PALM2AKAP2: variants seen among roughly 807,000 people sequenced by gnomAD.
PALM2AKAP2 encodes the protein PALM2 and AKAP2 fusion.
In PALM2AKAP2, 37 loss-of-function variants were observed where a neutral mutation model predicts 71.5. That is an observed-to-expected ratio of 0.52 (90% CI 0.40 to 0.68). The LOEUF is 0.68. Ranked by LOEUF, PALM2AKAP2 falls within the 30% of genes least tolerant of loss-of-function variation. The pLI, the probability that PALM2AKAP2 is intolerant of heterozygous loss-of-function variation, is 0.00. For synonymous variants in PALM2AKAP2, 468 were observed against 478.8 expected (o/e 0.98, Z 0.29); for missense variants, 1,224 against 1,191.8 (o/e 1.03, Z -0.40).
At chr9:109,674,495 C>T (rs908023376) in intron 1 of PALM2AKAP2, among the ~76,000 whole-genome samples, 2 of 152,026 alleles carry the variant, frequency 1.3e-5, no homozygotes, top group South Asian at 4.1e-4. Context: ...TTACTGGTGG[C>T]CTCCCTTAAC....
At chr9:109,640,814 C>A in exon 1 of PALM2AKAP2, 1 of 1,507,468 alleles carries the variant, frequency 6.6e-7, no homozygotes, top group Non-Finnish European at 8.8e-7. Context: ...GAGAGGCGAG[C>A]AGCGCCGGTG....
intron 2 of PALM2AKAP2, among the ~76,000 whole-genome samples, chr9:110,147,822 C>G (rs535799955): frequency 6.6e-6 from 1 of 152,206 alleles, no homozygotes; most frequent in African/African-American, 2.4e-5. Flanking sequence ...GTGAGTTGCT[C>G]TTTTGCAGCA....
intron 1 of PALM2AKAP2, among the ~76,000 whole-genome samples, chr9:109,808,966 G>T (rs1041682125): frequency 2.0e-5 from 3 of 152,254 alleles, no homozygotes; most frequent in Non-Finnish European, 4.4e-5. Context: ...GTGCACAGAA[G>T]TCAAGAATTG....
chr9:109,887,682 G>T (rs375627970), intron 3 of PALM2AKAP2, among the ~76,000 whole-genome samples: 16 of 64,938 alleles, frequency 2.5e-4, no homozygotes, highest in African/African-American at 6.1e-4. Flanking sequence ...GAAGTAACTT[G>T]CTGCCCCCCC....
At chr9:110,048,299 C>T (rs577770987), upstream of PALM2AKAP2, among the ~76,000 whole-genome samples, 3 of 152,262 alleles carry the variant, frequency 2.0e-5, no homozygotes, top group East Asian at 5.8e-4. Context: ...TCCACATACG[C>T]TCATGCGCAC....
At chr9:110,138,781 G>A (rs1472864707) in intron 2 of PALM2AKAP2, among the ~76,000 whole-genome samples, 1 of 152,200 alleles carries the variant, frequency 6.6e-6, no homozygotes, top group Non-Finnish European at 1.5e-5. Context: ...CTCCTTCTTT[G>A]TTGTTCTGCT....
chr9:110,089,543 A>G (rs1435250128), intron 1 of PALM2AKAP2, among the ~76,000 whole-genome samples: 1 of 152,194 alleles, frequency 6.6e-6, no homozygotes, highest in African/African-American at 2.4e-5. Context: ...AATCTTAAAG[A>G]CAGGACAATG....
chr9:109,664,565 G>T (rs186228067), intron 1 of PALM2AKAP2, among the ~76,000 whole-genome samples: 32 of 152,322 alleles, frequency 2.1e-4, no homozygotes, highest in African/African-American at 7.5e-4. Context: ...TCTGCTGTTA[G>T]TCTGATGGGC....
At chr9:110,103,137 C>T (rs1835039438) in intron 1 of PALM2AKAP2, among the ~76,000 whole-genome samples, 2 of 152,198 alleles carry the variant, frequency 1.3e-5, no homozygotes, top group African/African-American at 4.8e-5. Context: ...CCCAAACTCT[C>T]CTATTGTAGG....
chr9:109,888,975 ATC>A (rs1830027618), intron 3 of PALM2AKAP2, among the ~76,000 whole-genome samples: 2 of 152,112 alleles, frequency 1.3e-5, no homozygotes, highest in South Asian at 2.1e-4. Context: ...GGGGGACAAA[ATC>A]TCTCCAAGTT....
chr9:109,933,157 C>T (rs1015016540), intron 6 of PALM2AKAP2, among the ~76,000 whole-genome samples: 7 of 152,176 alleles, frequency 4.6e-5, no homozygotes, highest in African/African-American at 1.7e-4. Flanking sequence ...CTGGTCAATC[C>T]AGAGCCAGTT....
At chr9:109,676,268 T>C (rs1336900345) in intron 1 of PALM2AKAP2, among the ~76,000 whole-genome samples, 1 of 152,210 alleles carries the variant, frequency 6.6e-6, no homozygotes, top group Non-Finnish European at 1.5e-5. Context: ...TCTATGATCT[T>C]GTATTATACT....
chr9:109,860,283 A>G (rs1829276642), intron 1 of PALM2AKAP2, among the ~76,000 whole-genome samples: 2 of 152,190 alleles, frequency 1.3e-5, no homozygotes, highest in Non-Finnish European at 2.9e-5. Flanking sequence ...TATAAATAGC[A>G]TTGAATCTGC....
At chr9:109,675,532 G>C (rs1341917665) in intron 1 of PALM2AKAP2, among the ~76,000 whole-genome samples, 1 of 152,054 alleles carries the variant, frequency 6.6e-6, no homozygotes, top group Non-Finnish European at 1.5e-5. Context: ...TACGTATTTA[G>C]TTTTTTAATC....
intron 1 of PALM2AKAP2, among the ~76,000 whole-genome samples, chr9:109,738,030 T>C (rs1828663854): frequency 1.3e-5 from 2 of 152,208 alleles, no homozygotes; most frequent in African/African-American, 4.8e-5. Flanking sequence ...TCATTATATA[T>C]TTGGCCTCTA....
At chr9:110,037,277 C>T (rs556553326) in intron 7 of PALM2AKAP2, among the ~76,000 whole-genome samples, 59 of 152,140 alleles carry the variant, frequency 3.9e-4, no homozygotes, top group African/African-American at 1.3e-3. Context: ...CTCAGCTCAC[C>T]GCAACCACAA....
chr9:109,969,541 G>C (rs1441298432), intron 6 of PALM2AKAP2, among the ~76,000 whole-genome samples: 1 of 152,214 alleles, frequency 6.6e-6, no homozygotes, highest in Non-Finnish European at 1.5e-5. Context: ...CGTTCACGGG[G>C]CTCTCTCCCA....
chr9:109,937,644 G>A (rs1420570097), intron 6 of PALM2AKAP2, among the ~76,000 whole-genome samples: 1 of 152,108 alleles, frequency 6.6e-6, no homozygotes, highest in Non-Finnish European at 1.5e-5. Flanking sequence ...ATAGGGTTTG[G>A]AAATCAATAA....
chr9:109,764,577 T>A (rs1417869249), intron 1 of PALM2AKAP2, among the ~76,000 whole-genome samples: 1 of 152,176 alleles, frequency 6.6e-6, no homozygotes, highest in Non-Finnish European at 1.5e-5. Flanking sequence ...AGCTCACCCC[T>A]GTCATCAAAC....
Sources: allele counts gnomAD v4.1 joint callset (sites outside exome capture counted in the v4.1 genomes callset), GRCh38; gene constraint gnomAD v4.1.1; transcripts MANE v1.5; gene names NCBI Gene and HGNC (gene_info 2026-07-23, HGNC 2026-07-21).